TRMT10B: variants seen among roughly 807,000 people sequenced by gnomAD.
TRMT10B encodes tRNA methyltransferase 10 homolog B.
A neutral mutation model predicts 43.8 loss-of-function variants in TRMT10B; 33 were observed. The observed-to-expected ratio is 0.75, with a 90% confidence interval of 0.57 to 1.01. The LOEUF (loss-of-function observed/expected upper bound fraction) is 1.01. Among genes scored for constraint, TRMT10B ranks in the 50% least tolerant of loss-of-function variants. TRMT10B has a pLI of 0.00. For synonymous variants in TRMT10B, 137 were observed against 130.6 expected, an observed-to-expected ratio of 1.05 and a Z score of -0.34; for missense variants, 362 against 369.8, an observed-to-expected ratio of 0.98 and a Z score of 0.17.
intron 8 of TRMT10B, among the ~76,000 whole-genome samples, chr9:37,776,772 G>A (rs897372388): frequency 2.0e-5 from 3 of 151,826 alleles, no homozygotes; most frequent in Admixed American, 6.6e-5. Context: ...GGTGGTGCAC[G>A]CCTGTAATAC....
At chr9:37,761,624 G>A (rs956043000) in intron 1 of TRMT10B, among the ~76,000 whole-genome samples, 1 of 152,190 alleles carries the variant, frequency 6.6e-6, no homozygotes, top group Non-Finnish European at 1.5e-5. Flanking sequence ...CTGGAATTCA[G>A]GAGGCAGAGG....
rs1473609032 is a variant in TRMT10B at position 37,777,780 on chromosome 9, C to A, written c.*73C>A. 3.3e-6 allele frequency: 4 copies of A among 1,230,564 alleles called. No individual in the cohort carries two copies. Among genetic ancestry groups the A allele is most frequent in the Non-Finnish European group, 3.6e-6 (3 of 839,156 alleles). The allele number at this position is 1,230,564 out of a possible 1,614,324, so 76.2% of individuals were successfully genotyped here. A position where few individuals can be genotyped will look rare whatever the true frequency, so the allele number is the denominator to read the frequency against. ...CAACACTTTGGTAGACCGAAGTGGG[C>A]AGATCACCTGAGGTCAGGAGTTCAC... On this transcript the variant is annotated 3_prime_UTR_variant, in exon 9 of 9. Coordinates refer to ENST00000297994, the MANE Select transcript of TRMT10B (RefSeq NM_144964.4).
intron 1 of TRMT10B, among the ~76,000 whole-genome samples, chr9:37,756,131 C>T (rs1324455765): frequency 6.6e-6 from 1 of 152,130 alleles, no homozygotes; most frequent in Non-Finnish European, 1.5e-5. Flanking sequence ...TGTTTATTAA[C>T]TAATGAATGG....
upstream of TRMT10B, among the ~76,000 whole-genome samples, chr9:37,753,406 C>T (rs559228463): frequency 2.0e-5 from 3 of 152,350 alleles, no homozygotes; most frequent in East Asian, 1.9e-4. Context: ...CGCCCCGCTC[C>T]ACTCCCGCTT....
Position 37,778,097 on chromosome 9 carries a change from A to AG in TRMT10B, c.*390_*391insG. On this transcript the variant is annotated 3_prime_UTR_variant, in exon 9 of 9. Coordinates refer to ENST00000297994, the MANE Select transcript of TRMT10B (RefSeq NM_144964.4). ...GAGCAGGGCAGAGGGTGGCAGTGGC[A>AG]CATAGGCAAGTGTCTTTGCATGACA... is the stretch of plus-strand genomic sequence containing the variant. 5.7e-6 allele frequency: 1 copy of AG among 176,252 alleles called. No individual in the cohort carries two copies. Among genetic ancestry groups the AG allele is most frequent in the Non-Finnish European group, 1.2e-5 (1 of 82,538 alleles). The allele number at this position is 176,252 out of a possible 1,614,324, so 10.9% of individuals were successfully genotyped here.
At position 37,763,504 on chromosome 9, in the gene TRMT10B, C is replaced by A. The variant is rs118059955; in HGVS notation, c.296-125C>A. ...CACTCTGTGTAAATCTTCTAATGAA[C>A]GAATACCTTACATCAGTATCAAGTT... On this transcript the variant is annotated intron_variant, in intron 3 of 8. Transcript: ENST00000297994. 1.5e-5 allele frequency: 11 copies of A among 755,352 alleles called. 1 individual carries two copies. In the South Asian group the frequency reaches 1.8e-4, roughly 13 times the overall value. 46.8% of individuals were successfully genotyped at this position (755,352 alleles called of 1,614,324 possible).
At position 37,777,698 on chromosome 9, in the gene TRMT10B, A is replaced by G; in HGVS notation, c.942A>G (p.Ser314=). 2 of 1,613,708 alleles carry G rather than the reference A, an allele frequency of 1.2e-6. No homozygotes were observed. Among genetic ancestry groups the G allele is most frequent in the African/African-American group, 1.3e-5 (1 of 75,002 alleles). Residue 314 remains serine, a synonymous_variant, in exon 9 of 9, where the codon TCA becomes TCG. Coordinates refer to ENST00000297994, the MANE Select transcript of TRMT10B (RefSeq NM_144964.4). ...SSGKGYILRN[S]VE is the part of the protein sequence containing the mutation. ...GAAAAGGCTATATTCTTCGGAACTCAGTGGAATGATGGGCCTAAGATTGCA... is the reference window on the plus strand; with the variant it reads ...GAAAAGGCTATATTCTTCGGAACTCGGTGGAATGATGGGCCTAAGATTGCA...
At chr9:37,768,373 TAAAA>T (rs1827211289) in intron 5 of TRMT10B, 145 bp downstream of exon 5, 1 of 931,226 alleles carries the variant, frequency 1.1e-6, no homozygotes, top group East Asian at 2.7e-5. Context: ...TTCTTAAATT[TAAAA>T]TTTTTTCTCA....
rs115650750 is a variant in TRMT10B at position 37,760,482 on chromosome 9, C to T, written c.-29-1421C>T. ...CTGTAGTAAACCATGATTGTGCCAC[C>T]GCACTCGAGCTTGGGTAACAGTGAG... is the stretch of plus-strand genomic sequence containing the variant. On this transcript the variant is annotated intron_variant, in intron 1 of 8. Transcript: ENST00000297994. Among the ~76,000 whole-genome samples the T allele has an allele frequency of 6.9e-3, 1,051 of 152,260 alleles. 15 individuals carry two copies. The highest frequency in any genetic ancestry group is 0.024 in the African/African-American group (1,011 of 41,540).
At chr9:37,762,962 T>A (rs373030175) in intron 3 of TRMT10B, among the ~76,000 whole-genome samples, 10 of 132,452 alleles carry the variant, frequency 7.5e-5, no homozygotes, top group East Asian at 6.4e-4. Flanking sequence ...TGAAACCCCA[T>A]CTCTACTAAA....
At position 37,778,491 on chromosome 9, in the gene TRMT10B, ACT is replaced by A. The variant is rs1378101481; in HGVS notation, c.*787_*788del. 1 of 151,172 alleles carries A rather than the reference ACT, an allele frequency of 6.6e-6. No individual in the cohort carries two copies. Among genetic ancestry groups the A allele is most frequent in the Non-Finnish European group, 1.5e-5 (1 of 67,876 alleles). The allele number at this position is 151,172 out of a possible 1,614,324, so 9.4% of individuals were successfully genotyped here. On this transcript the variant is annotated 3_prime_UTR_variant, in exon 9 of 9. Coordinates refer to ENST00000297994, the MANE Select transcript of TRMT10B (RefSeq NM_144964.4). Reference sequence around the variant, plus strand: ...GATCCAGCCTGGGCGACAGAGCCAGACTCTTGTCTCGAGGGGAAAAAAAAAAA... The same window carrying A: ...GATCCAGCCTGGGCGACAGAGCCAGACTTGTCTCGAGGGGAAAAAAAAAAA...
intron 7 of TRMT10B, 100 bp from the exon 8 acceptor site, chr9:37,776,182 T>TC (rs1196294183): frequency 1.9e-6 from 2 of 1,044,046 alleles, no homozygotes; most frequent in Middle Eastern, 3.3e-4. Context: ...TGCAGTTTCT[T>TC]CCATTCCACA....
At position 37,753,808 on chromosome 9, in the gene TRMT10B, G is replaced by GC. The variant is rs1454747472; in HGVS notation, c.-74_-73insC. On this transcript the variant is annotated 5_prime_UTR_variant, in exon 1 of 9. Coordinates refer to ENST00000297994, the MANE Select transcript of TRMT10B (RefSeq NM_144964.4). The stretch of plus-strand genomic sequence containing the variant: ...CGGAAGCGAGGCCGGGGGCGGGGGG[G>GC]ATCCGATGCGCGCCGCTGCCGCTGC... 6.6e-6 allele frequency: 1 copy of GC among 152,416 alleles called. No individual in the cohort carries two copies. The highest frequency in any genetic ancestry group is 1.9e-4 in the East Asian group (1 of 5,200). 9.4% of individuals were successfully genotyped at this position (152,416 alleles called of 1,614,324 possible).
upstream of TRMT10B, among the ~76,000 whole-genome samples, chr9:37,753,071 A>AC (rs1825113444): frequency 6.6e-6 from 1 of 152,176 alleles, no homozygotes; most frequent in South Asian, 2.1e-4. Context: ...GAACCCACCG[A>AC]GAGCGAAGGA....
intron 1 of TRMT10B, among the ~76,000 whole-genome samples, chr9:37,758,581 G>A (rs1050861859): frequency 6.6e-6 from 1 of 152,084 alleles, no homozygotes; most frequent in East Asian, 1.9e-4. Flanking sequence ...ATATAAGGGT[G>A]TTTATGTTCA....
Position 37,778,011 on chromosome 9 carries a change from AAAAT to A in TRMT10B, c.*312_*315del, listed in dbSNP as rs1391129460. 2 of 212,436 alleles carry A rather than the reference AAAAT, an allele frequency of 9.4e-6. No individual in the cohort carries two copies. Among genetic ancestry groups the A allele is most frequent in the Non-Finnish European group, 1.9e-5 (2 of 104,994 alleles). 13.2% of individuals were successfully genotyped at this position (212,436 alleles called of 1,614,324 possible). On this transcript the variant is annotated 3_prime_UTR_variant, in exon 9 of 9. Transcript: ENST00000297994. ...CAGAGCAAGACTCCATCTCAAAAAA[AAAAT>A]AAATAAAAAAAAATGCAGCTGCAGG...
At chr9:37,766,929 A>T (rs934818558) in intron 4 of TRMT10B, 7 of 152,136 alleles carry the variant, frequency 4.6e-5, no homozygotes, top group African/African-American at 1.4e-4. Flanking sequence ...GATTTTGTAT[A>T]AAAAGGATTT....
intron 7 of TRMT10B, among the ~76,000 whole-genome samples, chr9:37,773,041 C>T (rs898246026): frequency 5.3e-5 from 8 of 152,104 alleles, no homozygotes; most frequent in African/African-American, 1.9e-4. Context: ...TGTCATTGTT[C>T]TTAGATGCAT....
intron 1 of TRMT10B, among the ~76,000 whole-genome samples, chr9:37,755,961 A>C (rs1482244276): frequency 6.6e-6 from 1 of 152,210 alleles, no homozygotes; most frequent in East Asian, 1.9e-4. Context: ...CAGACTTTCC[A>C]ATTTTTGAAA....
Sources: gnomAD v4.1 joint callset for allele counts (sites outside exome capture counted in the v4.1 genomes callset) on GRCh38, gnomAD v4.1.1 for gene constraint, MANE v1.5 for transcripts, NCBI Gene and HGNC (gene_info 2026-07-23, HGNC 2026-07-21) for gene names.